Variants in AP3B1 observed in about 807,000 individuals in gnomAD.
AP3B1 encodes adaptor related protein complex 3 subunit beta 1.
In AP3B1, 61 loss-of-function variants were observed where a neutral mutation model predicts 132.5. The observed-to-expected ratio is 0.46, with a 90% CI of 0.37 to 0.57. The LOEUF is 0.57. Ranked by LOEUF, AP3B1 falls within the 20% of genes least tolerant of loss-of-function variation. The pLI is 0.00. For missense variants in AP3B1, 1,120 were observed against 1,289.4 expected, an observed-to-expected ratio of 0.87 and a Z score of 2.01; for synonymous variants, 388 against 438.3, an observed-to-expected ratio of 0.89 and a Z score of 1.43.
intron 2 of AP3B1, among the ~76,000 whole-genome samples, chr5:78,254,392 G>A (rs185170293): frequency 1.4e-3 from 215 of 152,214 alleles, no homozygotes; most frequent in Non-Finnish European, 2.4e-3. Flanking sequence ...TTAAGCTAAA[G>A]AAGCCTACCT....
At chr5:78,056,869 TC>T (rs1276779310) in intron 22 of AP3B1, among the ~76,000 whole-genome samples, 2 of 152,208 alleles carry the variant, frequency 1.3e-5, no homozygotes, top group Non-Finnish European at 2.9e-5. Context: ...AATTGTAATG[TC>T]CTTGGCTTTC....
At chr5:78,058,267 C>T (rs1188382856) in intron 22 of AP3B1, among the ~76,000 whole-genome samples, 10 of 152,026 alleles carry the variant, frequency 6.6e-5, no homozygotes, top group African/African-American at 1.9e-4. Flanking sequence ...TTTGGGAGGC[C>T]GAGGTGGGCA....
intron 12 of AP3B1, among the ~76,000 whole-genome samples, chr5:78,163,536 T>C (rs1435737773): frequency 1.3e-5 from 2 of 151,388 alleles, no homozygotes; most frequent in African/African-American, 2.4e-5. Flanking sequence ...TTGAAATAGA[T>C]TTTCTTTAAA....
intron 16 of AP3B1, 119 bp from the exon 17 acceptor site, chr5:78,128,279 G>C (rs371361444): frequency 1.1e-6 from 1 of 932,624 alleles, no homozygotes. Context: ...AATAAATATA[G>C]ACTAGGAAGC....
At chr5:78,091,295 AG>A (rs1750501992) in intron 21 of AP3B1, among the ~76,000 whole-genome samples, 2 of 150,490 alleles carry the variant, frequency 1.3e-5, no homozygotes, top group Non-Finnish European at 3.0e-5. Flanking sequence ...AAAAAAAAAA[AG>A]TAACAATACA....
intron 11 of AP3B1, among the ~76,000 whole-genome samples, chr5:78,169,202 T>C (rs1261051314): frequency 6.6e-6 from 1 of 152,184 alleles, no homozygotes. Flanking sequence ...GCCATACTTA[T>C]TACTTCCTGA....
intron 7 of AP3B1, among the ~76,000 whole-genome samples, chr5:78,199,770 A>G (rs571206677): frequency 6.7e-6 from 1 of 148,770 alleles, no homozygotes; most frequent in East Asian, 1.9e-4. Flanking sequence ...ATAAAACAGG[A>G]AAAAAACTTA....
chr5:78,124,751 A>C (rs548755240), intron 17 of AP3B1, among the ~76,000 whole-genome samples: 52 of 152,342 alleles, frequency 3.4e-4, no homozygotes, highest in African/African-American at 1.2e-3. Flanking sequence ...TATTCTATAA[A>C]CAAAGCTCTC....
At chr5:78,093,123 A>G (rs190677571) in intron 21 of AP3B1, among the ~76,000 whole-genome samples, 178 of 152,370 alleles carry the variant, frequency 1.2e-3, no homozygotes, top group African/African-American at 3.9e-3. Flanking sequence ...AATTCCCAAC[A>G]ACAGTAAATC....
At chr5:78,103,244 A>C (rs2112237563) in intron 20 of AP3B1, among the ~76,000 whole-genome samples, 1 of 152,336 alleles carries the variant, frequency 6.6e-6, no homozygotes. Context: ...TAAGAGCTCT[A>C]TTCCATCAAA....
At chr5:78,226,249 T>G (rs915176199) in intron 5 of AP3B1, among the ~76,000 whole-genome samples, 8 of 152,118 alleles carry the variant, frequency 5.3e-5, no homozygotes, top group African/African-American at 9.6e-5. Flanking sequence ...CCCATAAGTT[T>G]CTAAGGAGAA....
chr5:78,254,348 C>T (rs758720761), intron 2 of AP3B1, among the ~76,000 whole-genome samples: 60 of 152,124 alleles, frequency 3.9e-4, no homozygotes, highest in Admixed American at 1.2e-3. Context: ...TATCAACATT[C>T]AAGTACAAGA....
At position 78,015,544 on chromosome 5, in the gene AP3B1, C is replaced by T; in HGVS notation, c.2997G>A (p.Val999=). The change falls in exon 26 of 27, where the codon GTG becomes GTA. Residue 999 remains valine, a synonymous_variant. Coordinates refer to ENST00000255194, the MANE Select transcript of AP3B1 (RefSeq NM_003664.5). ...CAGAAGTTTCATTCATTCCTGTTAG[C>T]ACTCCTGTAAAAGCAAAAGAAGGCT... ...SEKDFKKEQG[V]LTGMNETSAV... The T allele has an allele frequency of 6.2e-7, 1 of 1,613,514 alleles. No individual in the cohort carries two copies. Among genetic ancestry groups the T allele is most frequent in the Non-Finnish European group, 8.5e-7 (1 of 1,179,670 alleles).
In AP3B1 at chr5:78,015,486, G is replaced by A. The variant is rs1425730349; in HGVS notation, c.3055C>T (p.Pro1019Ser). Residue 1019 changes from proline to serine, a missense_variant, in exon 26 of 27, where the codon CCC becomes TCC. Transcript: ENST00000255194. ...ACAACCTTCTGAAAGATCACAGAGG[G>A]AGTGAAATTCTGTGGTGCAGCAATG... ...VIIAAPQNFT[P>S]SVIFQKVVNV... 1.2e-6 allele frequency: 2 copies of A among 1,613,540 alleles called. No homozygotes were observed. The highest frequency in any genetic ancestry group is 1.7e-6 in the Non-Finnish European group (2 of 1,179,764).
At chr5:78,084,991 G>C (rs939299719) in intron 22 of AP3B1, among the ~76,000 whole-genome samples, 1 of 151,802 alleles carries the variant, frequency 6.6e-6, no homozygotes, top group African/African-American at 2.4e-5. Flanking sequence ...CATACTTTTT[G>C]TAACCATCAC....
intron 7 of AP3B1, among the ~76,000 whole-genome samples, chr5:78,205,552 G>A (rs907710684): frequency 6.6e-6 from 1 of 151,984 alleles, no homozygotes; most frequent in Non-Finnish European, 1.5e-5. Flanking sequence ...GCAATTATTT[G>A]TAATAGGGAA....
chr5:78,282,555 C>T (rs1749104429), intron 1 of AP3B1, among the ~76,000 whole-genome samples: 1 of 151,630 alleles, frequency 6.6e-6, no homozygotes, highest in South Asian at 2.1e-4. Flanking sequence ...GCAGTTTTTG[C>T]CATTAAAAGT....
intron 26 of AP3B1, among the ~76,000 whole-genome samples, chr5:78,014,659 G>A (rs924453902): frequency 6.6e-6 from 1 of 152,210 alleles, no homozygotes; most frequent in Non-Finnish European, 1.5e-5. Flanking sequence ...TATACAGTGT[G>A]TAGATATTTT....
intron 20 of AP3B1, among the ~76,000 whole-genome samples, chr5:78,102,353 A>T (rs1751167356): frequency 6.6e-6 from 1 of 152,098 alleles, no homozygotes; most frequent in Admixed American, 6.6e-5. Flanking sequence ...ACATAATAAT[A>T]TACATTATTA....
Sources: gnomAD v4.1 joint callset for allele counts (sites outside exome capture counted in the v4.1 genomes callset) on GRCh38, gnomAD v4.1.1 for gene constraint, MANE v1.5 for transcripts, NCBI Gene and HGNC (gene_info 2026-07-23, HGNC 2026-07-21) for gene names.